ICA1: variants seen among roughly 807,000 people sequenced by gnomAD.
ICA1 encodes 69 kDa islet cell autoantigen.
A neutral mutation model predicts 71.0 loss-of-function variants in ICA1; 40 were observed. The ratio of observed to expected loss-of-function variants is 0.56; its 90% CI spans 0.44 to 0.73. The LOEUF (loss-of-function observed/expected upper bound fraction) is 0.73, where lower values mean the gene tolerates loss of function less well. ICA1 is among the 30% of genes least tolerant of loss of function. ICA1 has a pLI of 0.00. For missense variants in ICA1, 578 were observed against 576.5 expected (o/e 1.00, Z -0.03); for synonymous variants, 207 against 209.5 (o/e 0.99, Z 0.10).
At chr7:8,200,722 G>C (rs1248311752) in intron 6 of ICA1, among the ~76,000 whole-genome samples, 1 of 152,186 alleles carries the variant, frequency 6.6e-6, no homozygotes, top group Non-Finnish European at 1.5e-5. Flanking sequence ...TATAATGAAA[G>C]AGTTTCATGA....
At chr7:8,152,371 A>C (rs1204525679) in intron 8 of ICA1, among the ~76,000 whole-genome samples, 1 of 151,978 alleles carries the variant, frequency 6.6e-6, no homozygotes, top group African/African-American at 2.4e-5. Flanking sequence ...TTCTGGATCT[A>C]CTATAGAATT....
chr7:8,149,912 G>C (rs541476904), intron 8 of ICA1, among the ~76,000 whole-genome samples: 41 of 152,270 alleles, frequency 2.7e-4, no homozygotes, highest in African/African-American at 9.4e-4. Flanking sequence ...ATGTGTACTG[G>C]CCACATAATT....
At chr7:8,228,717 G>A in intron 3 of ICA1, 44 bp from the exon 4 acceptor site, 1 of 1,330,040 alleles carries the variant, frequency 7.5e-7, no homozygotes, top group South Asian at 1.3e-5. Context: ...AACAGACAGT[G>A]GTGAGATAAA....
intron 1 of ICA1, among the ~76,000 whole-genome samples, chr7:8,255,472 G>C (rs1809762831): frequency 6.6e-6 from 1 of 152,124 alleles, no homozygotes; most frequent in Non-Finnish European, 1.5e-5. Flanking sequence ...AAGGTTCCAA[G>C]CTTGGAACTT....
chr7:8,244,669 G>T (rs2128499609), intron 1 of ICA1, among the ~76,000 whole-genome samples: 1 of 151,936 alleles, frequency 6.6e-6, no homozygotes. Context: ...TCTGATAAAG[G>T]GATAATATCC....
chr7:8,163,403 A>G (rs1804642718), intron 6 of ICA1, among the ~76,000 whole-genome samples: 1 of 152,236 alleles, frequency 6.6e-6, no homozygotes, highest in South Asian at 2.1e-4. Context: ...TCATTTTTAT[A>G]TCTTCTTATA....
At chr7:8,258,372 A>T (rs1474015345) in intron 1 of ICA1, among the ~76,000 whole-genome samples, 1 of 152,164 alleles carries the variant, frequency 6.6e-6, no homozygotes, top group Non-Finnish European at 1.5e-5. Flanking sequence ...CTGACTTAGC[A>T]AGAGAGACAG....
intron 8 of ICA1, among the ~76,000 whole-genome samples, chr7:8,152,855 C>CATCACCTCCACCACCACCACCATCTCCT (rs1799939103): frequency 7.0e-6 from 1 of 142,366 alleles, no homozygotes; most frequent in Non-Finnish European, 1.6e-5. Flanking sequence ...CCACCATCAC[C>CATCACCTCCACCACCACCACCATCTCCT]TCCTCCGCCA....
chr7:8,127,408 G>C (rs1789670754), intron 13 of ICA1, among the ~76,000 whole-genome samples: 1 of 152,072 alleles, frequency 6.6e-6, no homozygotes, highest in Non-Finnish European at 1.5e-5. Flanking sequence ...GGGTCCTCAG[G>C]GGAGAGGTGG....
At chr7:8,163,759 G>C (rs1246152696) in intron 6 of ICA1, among the ~76,000 whole-genome samples, 1 of 152,160 alleles carries the variant, frequency 6.6e-6, no homozygotes, top group Non-Finnish European at 1.5e-5. Flanking sequence ...GCAGGTCCTA[G>C]AGCTGAGAGT....
rs527489642 is a variant in ICA1, at chr7:8,126,353, T to C, written c.1330+1520A>G. On this transcript the variant is annotated intron_variant, in intron 13 of 13. Transcript: ENST00000402384. ...TGGGTGGGGATGAAACTCTAGTCAGTTGGCAGCCTTACTCATTTGCAGCTC... is the reference window on the plus strand; with the variant it reads ...TGGGTGGGGATGAAACTCTAGTCAGCTGGCAGCCTTACTCATTTGCAGCTC... Among the ~76,000 whole-genome samples the C allele has an allele frequency of 3.3e-5, 5 of 152,202 alleles. No homozygotes were observed. In the South Asian group the frequency reaches 1.0e-3, roughly 32 times the overall value.
chr7:8,245,850 C>T (rs568778218), intron 1 of ICA1, among the ~76,000 whole-genome samples: 10 of 152,260 alleles, frequency 6.6e-5, no homozygotes, highest in South Asian at 2.1e-4. Flanking sequence ...GTACAAGTTT[C>T]GCAGTAAAGA....
chr7:8,213,835 C>T (rs376876069), intron 6 of ICA1, among the ~76,000 whole-genome samples: 1 of 152,064 alleles, frequency 6.6e-6, no homozygotes, highest in South Asian at 2.1e-4. Context: ...TGTTAATAAA[C>T]CTTCTCACCA....
At chr7:8,206,276 G>C in intron 6 of ICA1, among the ~76,000 whole-genome samples, 1 of 151,946 alleles carries the variant, frequency 6.6e-6, no homozygotes, top group East Asian at 1.9e-4. Flanking sequence ...CCATCCCTAA[G>C]TGACTTCACC....
intron 8 of ICA1, among the ~76,000 whole-genome samples, chr7:8,152,737 C>T (rs1799640261): frequency 1.3e-5 from 2 of 151,100 alleles, no homozygotes; most frequent in African/African-American, 2.4e-5. Flanking sequence ...ACCACCACCA[C>T]CACAACCACC....
intron 13 of ICA1, among the ~76,000 whole-genome samples, chr7:8,124,932 G>T (rs542316979): frequency 6.6e-6 from 1 of 151,956 alleles, no homozygotes; most frequent in South Asian, 2.1e-4. Context: ...GGACCTACAG[G>T]TGCACACCAC....
chr7:8,216,049 C>T (rs1795298687), intron 6 of ICA1, among the ~76,000 whole-genome samples: 1 of 152,228 alleles, frequency 6.6e-6, no homozygotes, highest in Non-Finnish European at 1.5e-5. Context: ...AAGAGGGCAG[C>T]AAGCCTCACA....
rs907330063 is a variant in ICA1, at chr7:8,144,578, G to A, written c.805-606C>T. On this transcript the variant is annotated intron_variant, in intron 8 of 13. Transcript: ENST00000402384. The surrounding 1 kb of genome is among the most constrained non-coding windows in gnomAD (Gnocchi z 4.5). ...TCTTTGTAGATTAAAATGGGTGAGAGTCTTCTTTTGGCACATCATTTGTTG... is the reference window on the plus strand; with the variant it reads ...TCTTTGTAGATTAAAATGGGTGAGAATCTTCTTTTGGCACATCATTTGTTG... Among the ~76,000 whole-genome samples the A allele has an allele frequency of 3.3e-5, 5 of 152,062 alleles. No individual in the cohort carries two copies. Among genetic ancestry groups the A allele is most frequent in the Non-Finnish European group, 7.4e-5 (5 of 68,022 alleles).
rs569182418 is a variant in ICA1 at position 8,226,537 on chromosome 7, T to C, written c.256+2064A>G. On this transcript the variant is annotated intron_variant, in intron 4 of 13. Coordinates refer to ENST00000402384, the MANE Select transcript of ICA1 (RefSeq NM_001136020.3). This position sits in a 1 kb window ranked among gnomAD's most constrained non-coding sequence, Gnocchi z 4.4. ...AAAGCATATCCTCCAAATCACTCCA[T>C]ATTAGTTCACAGATTTTCCTCATTT... Among the ~76,000 whole-genome samples the C allele has an allele frequency of 1.4e-4, 21 of 152,324 alleles. No homozygotes were observed. The East Asian group carries it at 2.3e-3, about 17-fold the overall frequency.
Sources: gnomAD v4.1 joint callset for allele counts (sites outside exome capture counted in the v4.1 genomes callset) on GRCh38, gnomAD v4.1.1 for gene constraint, Gnocchi (gnomAD v3.1) non-coding constraint, MANE v1.5 for transcripts, NCBI Gene and HGNC (gene_info 2026-07-23, HGNC 2026-07-21) for gene names.